Variants in MDGA2 observed in about 807,000 individuals in gnomAD.
MDGA2 encodes MAM domain-containing glycosylphosphatidylinositol anchor protein 2.
In MDGA2, 40 loss-of-function variants were observed where a neutral mutation model predicts 117.8. The observed-to-expected ratio is 0.34, with a 90% CI of 0.26 to 0.44. The LOEUF (loss-of-function observed/expected upper bound fraction) is 0.44. Among genes scored for constraint, MDGA2 ranks in the 20% least tolerant of loss-of-function variants. The probability of loss-of-function intolerance (pLI) is 1.00; values close to 1 mark genes in which losing one functional copy is unlikely to be tolerated. For synonymous variants in MDGA2, 452 were observed against 439.0 expected (o/e 1.03, Z -0.37); for missense variants, 1,123 against 1,250.6 (o/e 0.90, Z 1.54).
intron 1 of MDGA2, among the ~76,000 whole-genome samples, chr14:47,490,089 G>T (rs1055413763): frequency 2.6e-5 from 4 of 152,062 alleles, no homozygotes; most frequent in African/African-American, 4.8e-5. Context: ...TAGTGTGTCA[G>T]CAGTAGAATA....
chr14:47,315,952 CA>C (rs919712283), intron 1 of MDGA2, among the ~76,000 whole-genome samples: 17 of 149,762 alleles, frequency 1.1e-4, no homozygotes, highest in African/African-American at 4.2e-4. Flanking sequence ...AAAAAACAAA[CA>C]AAAAAAACTT....
rs71112472 is a variant in MDGA2, at chr14:46,938,540, C to CAAAAAAAAAA, written c.2090-18390_2090-18381dup. On this transcript the variant is annotated intron_variant, in intron 9 of 16. Coordinates refer to ENST00000399232, the MANE Select transcript of MDGA2 (RefSeq NM_001113498.3). ...GGGCAACAAGAACGAAAATCCATCTCAAAAAAAAAAAAAAAAAAAAGAGAC... is the reference window on the plus strand; with the variant it reads ...GGGCAACAAGAACGAAAATCCATCTCAAAAAAAAAAAAAAAAAAAAAAAAAAAAAAGAGAC... 6.0e-3 allele frequency among the ~76,000 whole-genome samples: 162 copies of CAAAAAAAAAA among 26,952 alleles called. 6 individuals carry two copies. The highest frequency in any genetic ancestry group is 0.012 in the African/African-American group (130 of 10,746). 17.7% of individuals were successfully genotyped at this position (26,952 alleles called of 152,430 possible). A position where few individuals can be genotyped will look rare whatever the true frequency, so the allele number is the denominator to read the frequency against.
intron 14 of MDGA2, chr14:46,873,217 G>A (rs1882086227): frequency 2.2e-6 from 1 of 445,920 alleles, no homozygotes. Context: ...ATTCCAAAGG[G>A]AGGTAGGTGA....
intron 1 of MDGA2, among the ~76,000 whole-genome samples, chr14:47,528,787 C>G (rs1357139666): frequency 6.6e-6 from 1 of 151,976 alleles, no homozygotes; most frequent in Non-Finnish European, 1.5e-5. Context: ...TAAATAAATT[C>G]TCTCTTTTTG....
At chr14:47,059,499 G>A (rs1386989247) in intron 7 of MDGA2, 1 of 366,606 alleles carries the variant, frequency 2.7e-6, no homozygotes, top group African/African-American at 2.1e-5. Context: ...ATCAATGTTG[G>A]TCATCTTTAC....
chr14:47,531,024 T>A lies in MDGA2; in HGVS notation c.280+143493A>T, dbSNP rs191798848. 4.0e-3 allele frequency among the ~76,000 whole-genome samples: 615 copies of A among 152,216 alleles called. 7 individuals carry two copies. The highest frequency in any genetic ancestry group is 0.014 in the African/African-American group (585 of 41,520). Reference sequence around the variant, plus strand: ...ACTTTGGGAGGCCGAGGTGGGCGGATCACAAGGTCAGGAGATTGAGACCAT... The same window carrying A: ...ACTTTGGGAGGCCGAGGTGGGCGGAACACAAGGTCAGGAGATTGAGACCAT... On this transcript the variant is annotated intron_variant, in intron 1 of 16. Transcript: ENST00000399232.
intron 3 of MDGA2, among the ~76,000 whole-genome samples, chr14:47,213,658 T>C (rs934246023): frequency 6.6e-6 from 1 of 152,230 alleles, no homozygotes; most frequent in Non-Finnish European, 1.5e-5. Context: ...CTGATTTTTA[T>C]GTTATCACTT....
intron 1 of MDGA2, among the ~76,000 whole-genome samples, chr14:47,587,805 GCCACAA>G (rs905872592): frequency 1.4e-4 from 21 of 151,870 alleles, no homozygotes; most frequent in Admixed American, 7.9e-4. Context: ...TGCATCCATT[GCCACAA>G]TCTAATTCCA....
chr14:47,163,313 T>A (rs1483756868), intron 3 of MDGA2, among the ~76,000 whole-genome samples: 1 of 152,128 alleles, frequency 6.6e-6, no homozygotes, highest in African/African-American at 2.4e-5. Flanking sequence ...ATGGCAAGGT[T>A]TGGCTCTGTG....
intron 1 of MDGA2, among the ~76,000 whole-genome samples, chr14:47,380,515 A>C (rs998892831): frequency 6.6e-6 from 1 of 152,176 alleles, no homozygotes; most frequent in South Asian, 2.1e-4. Context: ...TAGACGCAAT[A>C]AAAAAGGATA....
At position 46,982,734 on chromosome 14, in the gene MDGA2, A is replaced by AAAAAAAAAAAAAAAT. The variant is rs1449356596; in HGVS notation, c.1820-25092_1820-25091insATTTTTTTTTTTTTT. 2.9e-3 allele frequency among the ~76,000 whole-genome samples: 376 copies of AAAAAAAAAAAAAAAT among 130,358 alleles called. 13 individuals are homozygous for AAAAAAAAAAAAAAAT. Among genetic ancestry groups the AAAAAAAAAAAAAAAT allele is most frequent in the Non-Finnish European group, 5.1e-3 (302 of 59,196 alleles). The allele number at this position is 130,358 out of a possible 152,430, so 85.5% of individuals were successfully genotyped here. Reference sequence around the variant, plus strand: ...AAAAAAAAAAAAAAAAAAAAAAAAAAAATCATGTCATCTGCAACCAGGGAC... The same window carrying AAAAAAAAAAAAAAAT: ...AAAAAAAAAAAAAAAAAAAAAAAAAAAAAAAAAAAAAAAATAATCATGTCATCTGCAACCAGGGAC... On this transcript the variant is annotated intron_variant, in intron 8 of 16. Transcript: ENST00000399232.
chr14:46,871,240 A>T (rs1240486358), intron 14 of MDGA2: 1 of 151,954 alleles, frequency 6.6e-6, no homozygotes, highest in Non-Finnish European at 1.5e-5. Flanking sequence ...TTATTTTCCT[A>T]AATCAAATAT....
chr14:46,844,871 TTTATTATTA>T (rs58606602), intron 16 of MDGA2, among the ~76,000 whole-genome samples: 1 of 151,314 alleles, frequency 6.6e-6, no homozygotes, highest in Non-Finnish European at 1.5e-5. Flanking sequence ...TCTGATGATT[TTTATTATTA>T]TTATTATTAT....
chr14:47,453,072 T>C (rs1893274455), intron 1 of MDGA2, among the ~76,000 whole-genome samples: 1 of 152,044 alleles, frequency 6.6e-6, no homozygotes, highest in African/African-American at 2.4e-5. Context: ...AATTTCTCAT[T>C]TTCTAATAAA....
chr14:47,381,818 G>T (rs951440405), intron 1 of MDGA2, among the ~76,000 whole-genome samples: 2 of 152,036 alleles, frequency 1.3e-5, no homozygotes, highest in Non-Finnish European at 2.9e-5. Flanking sequence ...TGCCATCCCC[G>T]TCAAGCTACC....
chr14:47,079,409 T>TG (rs1890617129), intron 6 of MDGA2, among the ~76,000 whole-genome samples: 1 of 152,196 alleles, frequency 6.6e-6, no homozygotes, highest in African/African-American at 2.4e-5. Context: ...AAATTCAGCA[T>TG]GGAATTATAT....
At chr14:46,873,348 A>G (rs1882092298) in intron 14 of MDGA2, 85 bp downstream of exon 14, 7 of 1,246,494 alleles carry the variant, frequency 5.6e-6, no homozygotes, top group South Asian at 2.1e-5. Flanking sequence ...TTGACCAAAA[A>G]TTGTTTTAAT....
At chr14:47,380,123 G>A (rs1467695073) in intron 1 of MDGA2, among the ~76,000 whole-genome samples, 3 of 152,056 alleles carry the variant, frequency 2.0e-5, no homozygotes, top group Non-Finnish European at 4.4e-5. Flanking sequence ...CAAATGTACT[G>A]GGTATGTAAT....
intron 1 of MDGA2, among the ~76,000 whole-genome samples, chr14:47,522,388 A>T (rs1894889881): frequency 7.3e-6 from 1 of 136,594 alleles, no homozygotes; most frequent in South Asian, 2.4e-4. Flanking sequence ...CACACACACA[A>T]TTAAATATCA....
Sources: allele counts gnomAD v4.1 joint callset (sites outside exome capture counted in the v4.1 genomes callset), GRCh38; gene constraint gnomAD v4.1.1; transcripts MANE v1.5; gene names NCBI Gene and HGNC (gene_info 2026-07-23, HGNC 2026-07-21).